CCDC192: variants seen among roughly 807,000 people sequenced by gnomAD.
The protein encoded by CCDC192 is coiled-coil domain containing 192.
intron 6 of CCDC192, among the ~76,000 whole-genome samples, chr5:127,876,370 T>C (rs1262745019): frequency 6.6e-6 from 1 of 152,156 alleles, no homozygotes; most frequent in Non-Finnish European, 1.5e-5. Context: ...ATTCTAAGAA[T>C]AACCTCTAAG....
intron 2 of CCDC192, among the ~76,000 whole-genome samples, chr5:127,751,714 CA>C (rs1370384511): frequency 6.6e-6 from 1 of 152,150 alleles, no homozygotes; most frequent in African/African-American, 2.4e-5. Context: ...GAGTGTTTTC[CA>C]ACTTGGTTCC....
intron 5 of CCDC192, among the ~76,000 whole-genome samples, chr5:127,830,763 GA>G (rs59551951): frequency 0.012 from 1,468 of 123,236 alleles, 18 homozygotes; most frequent in Middle Eastern, 0.034. Context: ...AGGTTTTTGA[GA>G]AAAAAAAAAA....
At chr5:127,884,112 G>A (rs969567282) in intron 6 of CCDC192, among the ~76,000 whole-genome samples, 13 of 152,094 alleles carry the variant, frequency 8.5e-5, no homozygotes, top group African/African-American at 2.4e-4. Flanking sequence ...AAGAGGCTGA[G>A]GCAGGAGGAT....
chr5:127,937,779 G>A (rs1038992399), intron 6 of CCDC192, among the ~76,000 whole-genome samples: 2 of 152,218 alleles, frequency 1.3e-5, no homozygotes, highest in Non-Finnish European at 2.9e-5. Flanking sequence ...TTTTGCTGCT[G>A]TATCATTAGA....
intron 2 of CCDC192, among the ~76,000 whole-genome samples, chr5:127,711,820 A>G (rs558168939): frequency 6.6e-6 from 1 of 152,260 alleles, no homozygotes; most frequent in South Asian, 2.1e-4. Flanking sequence ...TAATTTTTTT[A>G]CCACTCTAAT....
intron 2 of CCDC192, among the ~76,000 whole-genome samples, chr5:127,732,391 C>T (rs572006321): frequency 2.0e-5 from 3 of 152,018 alleles, no homozygotes; most frequent in Non-Finnish European, 2.9e-5. Flanking sequence ...TTACACTGTT[C>T]GTGGGAATGT....
chr5:127,710,784 T>C (rs1160228536), intron 2 of CCDC192, among the ~76,000 whole-genome samples: 1 of 152,160 alleles, frequency 6.6e-6, no homozygotes, highest in Non-Finnish European at 1.5e-5. Flanking sequence ...GAAATTGAGA[T>C]TCGGGGAGAT....
chr5:127,768,716 A>G (rs1159262643), intron 3 of CCDC192, among the ~76,000 whole-genome samples: 1 of 152,262 alleles, frequency 6.6e-6, no homozygotes, highest in Non-Finnish European at 1.5e-5. Context: ...GCCAAAACGT[A>G]TTAATAAACA....
chr5:127,702,863 A>G (rs1445912542), upstream of CCDC192, among the ~76,000 whole-genome samples: 1 of 152,272 alleles, frequency 6.6e-6, no homozygotes, highest in African/African-American at 2.4e-5. Context: ...AAGATGGAGC[A>G]GCAGTTGCAG....
At chr5:127,719,332 C>A (rs759846544) in intron 2 of CCDC192, among the ~76,000 whole-genome samples, 9 of 151,374 alleles carry the variant, frequency 5.9e-5, no homozygotes, top group Non-Finnish European at 1.2e-4. Flanking sequence ...CAAATCCTGG[C>A]TATTGTGACT....
At chr5:127,754,760 G>A (rs1754480752) in intron 3 of CCDC192, among the ~76,000 whole-genome samples, 1 of 152,118 alleles carries the variant, frequency 6.6e-6, no homozygotes, top group South Asian at 2.1e-4. Context: ...AAAGCCTATT[G>A]GAGCCATGCA....
chr5:127,928,079 C>G (rs1020711121), intron 6 of CCDC192, among the ~76,000 whole-genome samples: 3 of 151,914 alleles, frequency 2.0e-5, no homozygotes, highest in African/African-American at 7.3e-5. Context: ...AGGCACCCAC[C>G]ACTATGCCTG....
chr5:127,936,318 A>G (rs1464163084), intron 6 of CCDC192, among the ~76,000 whole-genome samples: 1 of 152,188 alleles, frequency 6.6e-6, no homozygotes, highest in Non-Finnish European at 1.5e-5. Flanking sequence ...CTCAGAGCAT[A>G]AAGGTTTTGA....
At chr5:127,739,104 T>G (rs1029115867) in intron 2 of CCDC192, among the ~76,000 whole-genome samples, 32 of 152,196 alleles carry the variant, frequency 2.1e-4, no homozygotes, top group Non-Finnish European at 4.1e-4. Context: ...ACAGATGGGT[T>G]TTTGGTGTGG....
At chr5:127,716,317 C>CT (rs1350068360) in intron 2 of CCDC192, among the ~76,000 whole-genome samples, 2 of 152,066 alleles carry the variant, frequency 1.3e-5, no homozygotes, top group African/African-American at 4.8e-5. Context: ...ATTTTTGCCT[C>CT]TATGTTCATC....
At position 127,764,144 on chromosome 5, in the gene CCDC192, A is replaced by T. The variant is rs537721835; in HGVS notation, c.222+9769A>T. Among the ~76,000 whole-genome samples, 7 of 152,220 alleles carry T rather than the reference A, an allele frequency of 4.6e-5. No individual in the cohort carries two copies. In the East Asian group the frequency reaches 7.7e-4, roughly 17 times the overall value. ...AAAGCCCATGTTTTTTCCATTATACATTTGGAGTTGACCCCTACACAAGGA... is the reference window on the plus strand; with the variant it reads ...AAAGCCCATGTTTTTTCCATTATACTTTTGGAGTTGACCCCTACACAAGGA... On this transcript the variant is annotated intron_variant, in intron 3 of 6. Transcript: ENST00000514853.
Position 127,752,081 on chromosome 5 carries a change from T to C in CCDC192, c.115-2187T>C, listed in dbSNP as rs545542330. 3.2e-4 allele frequency among the ~76,000 whole-genome samples: 49 copies of C among 152,226 alleles called. 1 individual carries two copies. The South Asian group carries it at 5.2e-3, about 16-fold the overall frequency. The stretch of plus-strand genomic sequence containing the variant: ...TTGAACGTCCTCCCGTAGCTCAGAG[T>C]AATTTGATCGTCTGAAGCCTTCTTC... On this transcript the variant is annotated intron_variant, in intron 2 of 6. Coordinates refer to ENST00000514853, the MANE Select transcript of CCDC192 (RefSeq NM_001317938.2).
chr5:127,773,849 C>A (rs1042071658), intron 3 of CCDC192, among the ~76,000 whole-genome samples: 4 of 152,188 alleles, frequency 2.6e-5, no homozygotes, highest in Non-Finnish European at 5.9e-5. Flanking sequence ...TTATTTTCCA[C>A]ATTGCCTGTA....
chr5:127,929,587 G>A (rs911880062), intron 6 of CCDC192, among the ~76,000 whole-genome samples: 1 of 152,086 alleles, frequency 6.6e-6, no homozygotes, highest in African/African-American at 2.4e-5. Flanking sequence ...TCTGTACAAC[G>A]CCCATTCCTC....
Sources: gnomAD v4.1 joint callset for allele counts (sites outside exome capture counted in the v4.1 genomes callset) on GRCh38, gnomAD v4.1.1 for gene constraint, MANE v1.5 for transcripts, NCBI Gene and HGNC (gene_info 2026-07-23, HGNC 2026-07-21) for gene names.